The following FASN variants were observed in gnomAD, a reference collection of about 807,000 sequenced individuals.
The protein encoded by FASN is 3-hydroxyacyl-[acyl-carrier-protein] dehydratase.
A neutral mutation model predicts 250.0 loss-of-function variants in FASN; 50 were observed. That is an observed-to-expected ratio of 0.20 (90% CI 0.16 to 0.25). The LOEUF (loss-of-function observed/expected upper bound fraction) is 0.25. FASN is among the 10% of genes least tolerant of loss of function. The probability of loss-of-function intolerance (pLI) is 1.00; values close to 1 mark genes in which losing one functional copy is unlikely to be tolerated. For missense variants in FASN, 3,031 were observed against 3,498.5 expected (o/e 0.87, Z 3.37); for synonymous variants, 1,909 against 1,584.0 (o/e 1.21, Z -4.87).
Position 82,096,306 on chromosome 17 carries a change from C to A in FASN, c.127+13G>T. 6.2e-7 allele frequency: 1 copy of A among 1,611,766 alleles called. No homozygotes were observed. Among genetic ancestry groups the A allele is most frequent in the Non-Finnish European group, 8.5e-7 (1 of 1,179,870 alleles). Reference sequence around the variant, plus strand: ...TTCACACCCCAGGCACGGGGAGCCCCGCAGCCACATACCCGCCTTCCAGCG... The same window carrying A: ...TTCACACCCCAGGCACGGGGAGCCCAGCAGCCACATACCCGCCTTCCAGCG... On this transcript the variant is annotated intron_variant, in intron 2 of 42. Coordinates refer to ENST00000306749, the MANE Select transcript of FASN (RefSeq NM_004104.5).
Position 82,088,844 on chromosome 17 carries a change from G to A in FASN, c.2337C>T (p.Cys779=). ...AVLKRGLKPS[C]TIIPLMKKDH... ...CCTTCTTCATCAGGGGGATGATGGTGCAGCTCGGCTTCAGGCCACGCTTCA... is the reference window on the plus strand; with the variant it reads ...CCTTCTTCATCAGGGGGATGATGGTACAGCTCGGCTTCAGGCCACGCTTCA... Residue 779 remains cysteine, a synonymous_variant, in exon 15 of 43, where the codon TGC becomes TGT. Coordinates refer to ENST00000306749, the MANE Select transcript of FASN (RefSeq NM_004104.5). The A allele has an allele frequency of 6.2e-7, 1 of 1,612,600 alleles. No homozygotes were observed. Among genetic ancestry groups the A allele is most frequent in the Non-Finnish European group, 8.5e-7 (1 of 1,179,830 alleles).
At chr17:82,091,872 C>T (rs1261485405) in intron 8 of FASN, among the ~76,000 whole-genome samples, 188 bp from the exon 9 acceptor site, 1 of 152,174 alleles carries the variant, frequency 6.6e-6, no homozygotes, top group African/African-American at 2.4e-5. Context: ...ATGGCCCTGC[C>T]CTCAGCTTGG....
chr17:82,082,868 G>A (rs988977727), intron 33 of FASN, 46 bp downstream of exon 33: 80 of 1,601,186 alleles, frequency 5.0e-5, no homozygotes, highest in Non-Finnish European at 6.6e-5. Flanking sequence ...GGGGCCCGGG[G>A]CTGTGCCTGG....
At position 82,088,146 on chromosome 17, in the gene FASN, G is replaced by A. The variant is rs1201185312; in HGVS notation, c.2755C>T (p.Leu919=). Residue 919 remains leucine (L), a synonymous_variant, in exon 17 of 43, where the codon CTG becomes TTG. Coordinates refer to ENST00000306749, the MANE Select transcript of FASN (RefSeq NM_004104.5). ...TTGGGCAGGATGGTGGCCTGGTGCA[G>A]CACCACATCCTCAAACACCACAGGC... ...QLPVVFEDVV[L]HQATILPKTG... is the part of the protein sequence containing the mutation. 2 of 1,612,810 alleles carry A rather than the reference G, an allele frequency of 1.2e-6. No homozygotes were observed. Among genetic ancestry groups the A allele is most frequent in the Non-Finnish European group, 1.7e-6 (2 of 1,179,984 alleles).
intron 19 of FASN, 26 bp downstream of exon 19, chr17:82,087,659 T>A (rs200806150): frequency 6.2e-7 from 1 of 1,609,216 alleles, no homozygotes; most frequent in South Asian, 1.1e-5. Context: ...CCCGGTGGCT[T>A]GGGCAGCAGT....
intron 37 of FASN, 45 bp downstream of exon 37, chr17:82,081,556 C>A (rs551975039): frequency 2.5e-6 from 4 of 1,608,150 alleles, no homozygotes; most frequent in Non-Finnish European, 3.4e-6. Context: ...GACCCTGATG[C>A]CAGCAGGGGA....
chr17:82,095,225 C>T, intron 3 of FASN, 95 bp downstream of exon 3: 1 of 1,422,922 alleles, frequency 7.0e-7, no homozygotes, highest in Non-Finnish European at 9.8e-7. Flanking sequence ...GTGGTGCCAG[C>T]ACCTGGTTCT....
rs577700298 is a variant in FASN at position 82,096,560 on chromosome 17, G to T, written c.-7-108C>A. 1.6e-3 allele frequency: 2,459 copies of T among 1,537,796 alleles called. 1 individual carries two copies. The highest frequency in any genetic ancestry group is 3.8e-3 in the Middle Eastern group (22 of 5,854). The stretch of plus-strand genomic sequence containing the variant: ...CACCCATGGGGCCAAGCACCACCCT[G>T]AGGGTCCGTGCGGGCCCTGGCTCCT... On this transcript the variant is annotated intron_variant, in intron 1 of 42. Transcript: ENST00000306749.
In FASN at chr17:82,087,680, C is replaced by A. The variant is rs1422532198; in HGVS notation, c.3043+5G>T. The stretch of plus-strand genomic sequence containing the variant: ...GGCTTGGGCAGCAGTGTAGTCAGTA[C>A]CCACCTTCCAGGCTGGCCTCCAGGA... On this transcript the variant is annotated splice_donor_5th_base_variant and intron_variant, in intron 19 of 42. Coordinates refer to ENST00000306749, the MANE Select transcript of FASN (RefSeq NM_004104.5). 6.2e-6 allele frequency: 10 copies of A among 1,610,994 alleles called. No individual in the cohort carries two copies. The highest frequency in any genetic ancestry group is 8.5e-6 in the Non-Finnish European group (10 of 1,179,974).
In FASN at chr17:82,080,201, T is replaced by A; in HGVS notation, c.7085A>T (p.Glu2362Val). 1.2e-6 allele frequency: 2 copies of A among 1,613,194 alleles called. No homozygotes were observed. Residue 2362 changes from glutamate (E) to valine (V), a missense_variant, in exon 41 of 43, where the codon GAG (glutamate) becomes GTG (valine). Coordinates refer to ENST00000306749, the MANE Select transcript of FASN (RefSeq NM_004104.5). Reference protein sequence around the residue: ...RAKLTPGCEAEAETEAICFFV... With the variant: ...RAKLTPGCEAVAETEAICFFV... ...GAAGCATATGGCCTCCGTCTCAGCC[T>A]CAGCCTCACAGCCTGGGGTCAGCTT...
rs748606003 is a variant in FASN at position 82,093,612 on chromosome 17, A to T, written c.440T>A (p.Phe147Tyr). ...RAMMANRLSF[F>Y]FDFRGPSIAL... Reference sequence around the variant, plus strand: ...GCAGGACCCACCTCTGAAGTCGAAGAAGAAGGAGAGCCGGTTGGCCATCAT... The same window carrying T: ...GCAGGACCCACCTCTGAAGTCGAAGTAGAAGGAGAGCCGGTTGGCCATCAT... The change falls in exon 4 of 43, where the codon TTC becomes TAC. Residue 147 changes from phenylalanine to tyrosine, a missense_variant. Phe to Tyr is a conservative substitution (Grantham distance 22). Transcript: ENST00000306749. 1 of 1,612,754 alleles carries T rather than the reference A, an allele frequency of 6.2e-7. No homozygotes were observed. Among genetic ancestry groups the T allele is most frequent in the East Asian group, 2.2e-5 (1 of 44,880 alleles).
In FASN at chr17:82,084,513, C is replaced by G; in HGVS notation, c.4768G>C (p.Gly1590Arg). ...TCCCACGGCCCCATGCCACCCATAC[C>G]TGGGATGGCATCAGGGGACAGCTTG... ...TGKLSPDAIP[G>R]KWTSQDSLLG... The change falls in exon 27 of 43, where the codon GGG (glycine) becomes CGG (arginine). Residue 1590 changes from glycine to arginine, a missense_variant and splice_region_variant. Transcript: ENST00000306749. The G allele has an allele frequency of 6.2e-7, 1 of 1,608,040 alleles. No individual in the cohort carries two copies. The highest frequency in any genetic ancestry group is 8.5e-7 in the Non-Finnish European group (1 of 1,177,978).
rs2034083743 is a variant in FASN at position 82,085,641 on chromosome 17, G to A, written c.3963C>T (p.Ala1321=). ...TGAGAGCTGAGGCCGGGTCCCCGAG[G>A]GCAGCCACAGCACAGTTGCACACCA... is the stretch of plus-strand genomic sequence containing the variant. The part of the protein sequence containing the change: ...DLLVCNCAVA[A]LGDPASALSN... Residue 1321 remains alanine (A), a synonymous_variant, in exon 23 of 43, where the codon GCC becomes GCT. Coordinates refer to ENST00000306749, the MANE Select transcript of FASN (RefSeq NM_004104.5). The A allele has an allele frequency of 6.3e-7, 1 of 1,594,592 alleles. No homozygotes were observed. Among genetic ancestry groups the A allele is most frequent in the African/African-American group, 1.3e-5 (1 of 74,578 alleles).
At chr17:82,082,270 G>GGCCCTGA (rs1306265274) in intron 35 of FASN, 53 bp downstream of exon 35, 1 of 1,607,220 alleles carries the variant, frequency 6.2e-7, no homozygotes, top group Non-Finnish European at 8.5e-7. Context: ...TGGCTCCCAC[G>GGCCCTGA]GCCCTGAGCC....
chr17:82,095,503 A>G (rs2034288964), intron 2 of FASN, 31 bp from the exon 3 acceptor site: 1 of 1,609,110 alleles, frequency 6.2e-7, no homozygotes, highest in Admixed American at 1.7e-5. Flanking sequence ...TAAATCTCTG[A>G]CGGAAGCTGC....
chr17:82,083,318 C>T lies in FASN; in HGVS notation c.5449G>A (p.Gly1817Ser), dbSNP rs752508206. The T allele has an allele frequency of 6.2e-7, 1 of 1,612,708 alleles. No homozygotes were observed. Among genetic ancestry groups the T allele is most frequent in the Admixed American group, 1.7e-5 (1 of 60,026 alleles). Residue 1817 changes from glycine (G) to serine (S), a missense_variant, in exon 32 of 43, where the codon GGC (glycine) becomes AGC (serine). Transcript: ENST00000306749. ...GGCCGTACCACCCCATCCCGGATGC[C>T]GGCCTGCACAAGCGCCCACACCTCC... is the stretch of plus-strand genomic sequence containing the variant. Reference protein sequence around the residue: ...WREVWALVQAGIRDGVVRPLK... With the variant: ...WREVWALVQASIRDGVVRPLK...
At position 82,079,348 on chromosome 17, in the gene FASN, C is replaced by CT; in HGVS notation, c.7398+8dup. On this transcript the variant is annotated intron_variant, in intron 42 of 42. Coordinates refer to ENST00000306749, the MANE Select transcript of FASN (RefSeq NM_004104.5). The stretch of plus-strand genomic sequence containing the variant: ...CCCTGTCCCCGTTCCCGTCAGGCCC[C>CT]TTGCGCACCTGGGAGAGGTTGTAGT... 1 of 1,613,100 alleles carries CT rather than the reference C, an allele frequency of 6.2e-7. No homozygotes were observed. The highest frequency in any genetic ancestry group is 8.5e-7 in the Non-Finnish European group (1 of 1,179,984).
rs757523333 is a variant in FASN, at chr17:82,084,089, G to A, written c.4984C>T (p.Arg1662Cys). 7 of 1,562,710 alleles carry A rather than the reference G, an allele frequency of 4.5e-6. No individual in the cohort carries two copies. In the Admixed American group the frequency reaches 1.1e-4, roughly 26 times the overall value. ...YSTAYYALVV[R>C]GRVRPGETLL... ...GTCTCCCCGGGGCGCACCCGCCCAC[G>A]CACCACCAGCGCGTAGTAGGCCGTG... is the stretch of plus-strand genomic sequence containing the variant. The change falls in exon 29 of 43, where the codon CGT (arginine) becomes TGT (cysteine). Residue 1662 changes from arginine (R) to cysteine (C), a missense_variant. Physicochemically the swap from Arg to Cys is radical, Grantham distance 180 (BLOSUM62 -3). Transcript: ENST00000306749.
Position 82,082,963 on chromosome 17 carries a change from C to T in FASN, c.5718G>A (p.Gln1906=). The T allele has an allele frequency of 6.2e-7, 1 of 1,612,870 alleles. No homozygotes were observed. ...TCAACACGAGCTTCTGCACCCCACG[C>T]TGTATCAGCCACTGCGCCAACTCCA... is the stretch of plus-strand genomic sequence containing the variant. ...FGLELAQWLI[Q]RGVQKLVLTS... is the part of the protein sequence containing the mutation. Residue 1906 remains glutamine, a synonymous_variant, in exon 33 of 43, where the codon CAG becomes CAA. Coordinates refer to ENST00000306749, the MANE Select transcript of FASN (RefSeq NM_004104.5).
Sources: allele counts gnomAD v4.1 joint callset (sites outside exome capture counted in the v4.1 genomes callset), GRCh38; gene constraint gnomAD v4.1.1; transcripts MANE v1.5; gene names NCBI Gene and HGNC (gene_info 2026-07-23, HGNC 2026-07-21).